ADAMTSL1: variants seen among roughly 807,000 people sequenced by gnomAD.
ADAMTSL1 encodes the protein ADAMTS like 1, also known as ADAMTS-like protein 1.
A neutral mutation model predicts 201.8 loss-of-function variants in ADAMTSL1; 126 were observed. The observed-to-expected ratio is 0.62, with a 90% CI of 0.54 to 0.72. The LOEUF (loss-of-function observed/expected upper bound fraction) is 0.72, where lower values mean the gene tolerates loss of function less well. Ranked by LOEUF, ADAMTSL1 falls within the 30% of genes least tolerant of loss-of-function variation. ADAMTSL1 has a pLI of 0.00. For missense variants in ADAMTSL1, 2,679 were observed against 2,277.8 expected (o/e 1.18, Z -3.59); for synonymous variants, 1,121 against 903.4 (o/e 1.24, Z -4.32).
chr9:17,931,980 T>G (rs1338942288), intron 1 of ADAMTSL1, among the ~76,000 whole-genome samples: 1 of 152,204 alleles, frequency 6.6e-6, no homozygotes, highest in African/African-American at 2.4e-5. Flanking sequence ...GTAGAGGCTG[T>G]GTGGAAATGG....
intron 2 of ADAMTSL1, among the ~76,000 whole-genome samples, chr9:18,316,977 T>C (rs981205640): frequency 6.6e-6 from 1 of 152,166 alleles, no homozygotes; most frequent in Admixed American, 6.5e-5. Context: ...GGAAATGACC[T>C]AAGTGTCCAT....
Position 18,122,239 on chromosome 9 carries a change from A to G in ADAMTSL1, c.88-41623A>G, listed in dbSNP as rs540117188. 4.6e-5 allele frequency among the ~76,000 whole-genome samples: 7 copies of G among 152,312 alleles called. No individual in the cohort carries two copies. In the South Asian group the frequency reaches 1.2e-3, roughly 27 times the overall value. ...TTATAAATGCATGTTCATAACTCCA[A>G]TAATAGTTAAAAAGCAGAAACAACC... On this transcript the variant is annotated intron_variant, in intron 1 of 29. Transcript: ENST00000680146.
chr9:18,052,224 C>T (rs145666450), intron 1 of ADAMTSL1, among the ~76,000 whole-genome samples: 1 of 152,320 alleles, frequency 6.6e-6, no homozygotes, highest in East Asian at 1.9e-4. Context: ...CTGGAGCTTA[C>T]AGTCTAGACC....
At chr9:18,828,414 T>C (rs1190227711) in intron 22 of ADAMTSL1, among the ~76,000 whole-genome samples, 2 of 151,794 alleles carry the variant, frequency 1.3e-5, no homozygotes, top group African/African-American at 4.8e-5. Flanking sequence ...AGAGGAAGTA[T>C]TGAGGAGGAG....
intron 2 of ADAMTSL1, among the ~76,000 whole-genome samples, chr9:18,440,060 A>T (rs143533635): frequency 8.2e-4 from 125 of 152,330 alleles, no homozygotes; most frequent in African/African-American, 2.9e-3. Context: ...CTAGCTAGCT[A>T]ACCACTGCAG....
chr9:18,862,164 G>A (rs750549947), intron 23 of ADAMTSL1, among the ~76,000 whole-genome samples: 2 of 152,168 alleles, frequency 1.3e-5, no homozygotes, highest in Non-Finnish European at 2.9e-5. Context: ...CCACTGCTAT[G>A]CTGTGGCTTT....
At chr9:18,031,222 T>G (rs1820941201) in intron 1 of ADAMTSL1, among the ~76,000 whole-genome samples, 2 of 152,302 alleles carry the variant, frequency 1.3e-5, no homozygotes, top group East Asian at 1.9e-4. Flanking sequence ...CACTCTGAAT[T>G]TTTAAATTGC....
At chr9:18,295,552 A>G (rs1833444550) in intron 2 of ADAMTSL1, among the ~76,000 whole-genome samples, 3 of 151,956 alleles carry the variant, frequency 2.0e-5, no homozygotes, top group South Asian at 4.1e-4. Flanking sequence ...TTTGGCCAGG[A>G]TGGTCTCTAT....
intron 2 of ADAMTSL1, among the ~76,000 whole-genome samples, chr9:18,244,220 A>G (rs1212162823): frequency 6.6e-6 from 1 of 152,050 alleles, no homozygotes; most frequent in Non-Finnish European, 1.5e-5. Flanking sequence ...AATGTTTGCC[A>G]AGAGTGTGGA....
intron 23 of ADAMTSL1, among the ~76,000 whole-genome samples, chr9:18,865,310 AAT>A (rs1827460150): frequency 6.6e-6 from 1 of 151,816 alleles, no homozygotes; most frequent in African/African-American, 2.4e-5. Flanking sequence ...TTGTCCTTGC[AAT>A]AGTTTGCTGA....
At chr9:18,656,745 A>T (rs923834424) in intron 7 of ADAMTSL1, among the ~76,000 whole-genome samples, 1 of 152,158 alleles carries the variant, frequency 6.6e-6, no homozygotes, top group African/African-American at 2.4e-5. Context: ...AGTAAGAAGT[A>T]ATCCTCTCAA....
chr9:17,965,095 A>G (rs1817928240), intron 1 of ADAMTSL1, among the ~76,000 whole-genome samples: 2 of 152,174 alleles, frequency 1.3e-5, no homozygotes, highest in African/African-American at 2.4e-5. Flanking sequence ...ACAATAACAT[A>G]TAATGGACAA....
chr9:17,958,007 T>G (rs1031455453), intron 1 of ADAMTSL1, among the ~76,000 whole-genome samples: 2 of 152,170 alleles, frequency 1.3e-5, no homozygotes, highest in African/African-American at 2.4e-5. Context: ...ATTGTGACAG[T>G]CATAGGATGC....
intron 2 of ADAMTSL1, among the ~76,000 whole-genome samples, chr9:18,311,463 G>A (rs544966834): frequency 6.6e-6 from 1 of 152,210 alleles, no homozygotes; most frequent in Admixed American, 6.5e-5. Flanking sequence ...GAGTATCAAA[G>A]TTACCAAGGG....
intron 2 of ADAMTSL1, among the ~76,000 whole-genome samples, chr9:18,508,202 A>T (rs2131952373): frequency 6.6e-6 from 1 of 152,260 alleles, no homozygotes. Context: ...AAGAAAAAAA[A>T]AAATTCAGTT....
At chr9:18,618,472 T>A (rs1376632736) in intron 4 of ADAMTSL1, among the ~76,000 whole-genome samples, 1 of 149,522 alleles carries the variant, frequency 6.7e-6, no homozygotes, top group African/African-American at 2.5e-5. Context: ...TGTGTGGAGA[T>A]AGACATGTTA....
chr9:18,314,342 A>G (rs1195084872), intron 2 of ADAMTSL1, among the ~76,000 whole-genome samples: 1 of 152,116 alleles, frequency 6.6e-6, no homozygotes, highest in East Asian at 1.9e-4. Flanking sequence ...GGTCTCGCTG[A>G]CTTCAAGAAT....
chr9:18,407,896 C>A (rs1028212915), intron 2 of ADAMTSL1, among the ~76,000 whole-genome samples: 9 of 152,092 alleles, frequency 5.9e-5, no homozygotes, highest in African/African-American at 1.7e-4. Flanking sequence ...GAAGAAGGAA[C>A]CTTATGGGGA....
At position 18,032,865 on chromosome 9, in the gene ADAMTSL1, C is replaced by T. The variant is rs1296107525; in HGVS notation, c.87+125943C>T. On this transcript the variant is annotated intron_variant, in intron 1 of 29. Transcript: ENST00000680146. Reference sequence around the variant, plus strand: ...CAAAGGACCTGTTCAGGACCAGCAACCTGTCCTGGTGCTCAGTGACTCTGT... The same window carrying T: ...CAAAGGACCTGTTCAGGACCAGCAATCTGTCCTGGTGCTCAGTGACTCTGT... Among the ~76,000 whole-genome samples the T allele has an allele frequency of 2.7e-5, 4 of 148,750 alleles. 1 individual carries two copies. Among genetic ancestry groups the T allele is most frequent in the South Asian group, 4.4e-4 (2 of 4,572 alleles).
Sources: allele counts gnomAD v4.1 joint callset (sites outside exome capture counted in the v4.1 genomes callset), GRCh38; gene constraint gnomAD v4.1.1; transcripts MANE v1.5; gene names NCBI Gene and HGNC (gene_info 2026-07-23, HGNC 2026-07-21).